Variants in DSCAML1 observed in about 807,000 individuals in gnomAD.
The protein encoded by DSCAML1 is DS cell adhesion molecule like 1, also known as cell adhesion molecule DSCAML1.
DSCAML1 carries 38 observed loss-of-function variants against 200.5 expected under a neutral mutation model. The ratio of observed to expected loss-of-function variants is 0.19; its 90% confidence interval spans 0.15 to 0.25. The LOEUF (loss-of-function observed/expected upper bound fraction) is 0.25. DSCAML1 is among the 10% of genes least tolerant of loss of function. The pLI is 1.00. For synonymous variants in DSCAML1, 1,215 were observed against 1,165.0 expected (o/e 1.04, Z -0.87); for missense variants, 2,223 against 2,858.8 (o/e 0.78, Z 5.07).
intron 21 of DSCAML1, among the ~76,000 whole-genome samples, chr11:117,440,966 G>C (rs949129285): frequency 6.9e-6 from 1 of 145,780 alleles, no homozygotes; most frequent in Non-Finnish European, 1.5e-5. Flanking sequence ...GTCCTCAGCC[G>C]ATTTCAGATG....
chr11:117,644,133 C>T lies in DSCAML1; in HGVS notation c.512-111611G>A, dbSNP rs57674631. 8.5e-3 allele frequency among the ~76,000 whole-genome samples: 1,299 copies of T among 152,354 alleles called. 28 individuals carry two copies. The East Asian group carries it at 0.092, about 11-fold the overall frequency. On this transcript the variant is annotated intron_variant, in intron 3 of 32. Transcript: ENST00000651296. ...ATGAAGTCCTGGGCTCAGGGCCGCC[C>T]GGTCGGCCTGCCCCTTGACTCGGGC...
At chr11:117,447,295 C>T (rs1023120288) in intron 20 of DSCAML1, among the ~76,000 whole-genome samples, 2 of 151,924 alleles carry the variant, frequency 1.3e-5, no homozygotes, top group African/African-American at 4.8e-5. Flanking sequence ...CACATACACA[C>T]GAAAAAATGT....
At chr11:117,430,034 T>TGGCC (rs1410279721) in intron 32 of DSCAML1, among the ~76,000 whole-genome samples, 53 of 152,342 alleles carry the variant, frequency 3.5e-4, no homozygotes, top group African/African-American at 1.2e-3. Flanking sequence ...TCAATTAGCA[T>TGGCC]GGCCAGTGCT....
intron 3 of DSCAML1, among the ~76,000 whole-genome samples, chr11:117,739,426 A>C (rs1469259291): frequency 2.0e-5 from 3 of 152,234 alleles, no homozygotes; most frequent in Non-Finnish European, 4.4e-5. Flanking sequence ...TGTTGTGCAC[A>C]CAAGTTCGAG....
chr11:117,696,589 G>T (rs1474268192), intron 3 of DSCAML1, among the ~76,000 whole-genome samples: 1 of 152,108 alleles, frequency 6.6e-6, no homozygotes, highest in Admixed American at 6.5e-5. Flanking sequence ...CCCCAGGGTG[G>T]GTGTAGATCC....
At position 117,505,828 on chromosome 11, in the gene DSCAML1, G is replaced by T. The variant is rs1007931942; in HGVS notation, c.1784-96C>A. 2 of 1,444,364 alleles carry T rather than the reference G, an allele frequency of 1.4e-6. No homozygotes were observed. Among genetic ancestry groups the T allele is most frequent in the African/African-American group, 1.4e-5 (1 of 70,912 alleles). 89.5% of individuals were successfully genotyped at this position (1,444,364 alleles called of 1,614,324 possible). ...TGCCTTACCTGGGGCTCTGGGTTGG[G>T]CCTTGAACAAAGATCCCCTGGGGCA... On this transcript the variant is annotated intron_variant, in intron 8 of 32. Transcript: ENST00000651296. The surrounding 1 kb of genome is among the most constrained non-coding windows in gnomAD (Gnocchi z 6.7).
Position 117,806,771 on chromosome 11 carries a change from G to C in DSCAML1, c.-250+10619C>G, listed in dbSNP as rs544315520. On this transcript the variant is annotated intron_variant, in intron 1 of 2. Coordinates refer to the DSCAML1 transcript ENST00000525836. Reference sequence around the variant, plus strand: ...TGGTGGTGGTGGTAGTGTTACTGCTGTTACATTTTTTAAAGTTTGAACATG... The same window carrying C: ...TGGTGGTGGTGGTAGTGTTACTGCTCTTACATTTTTTAAAGTTTGAACATG... Among the ~76,000 whole-genome samples the C allele has an allele frequency of 6.6e-5, 10 of 152,268 alleles. No individual in the cohort carries two copies. In the East Asian group the frequency reaches 1.9e-3, roughly 29 times the overall value.
chr11:117,811,238 C>G lies in DSCAML1; in HGVS notation c.-250+6152G>C, dbSNP rs546787051. 5.5e-4 allele frequency among the ~76,000 whole-genome samples: 83 copies of G among 152,240 alleles called. 1 individual carries two copies. The South Asian group carries it at 0.016, about 30-fold the overall frequency. ...ACCCCAGCCGAGTTCATGGCTCGTT[C>G]GGCAGCAACCCTGAGAAGCTTTACA... On this transcript the variant is annotated intron_variant, in intron 1 of 2. Coordinates refer to the DSCAML1 transcript ENST00000525836.
intron 3 of DSCAML1, among the ~76,000 whole-genome samples, chr11:117,635,840 C>A (rs1262416236): frequency 6.6e-6 from 1 of 152,038 alleles, no homozygotes; most frequent in Non-Finnish European, 1.5e-5. Flanking sequence ...CTGCTTTAGT[C>A]AAAATCAGGT....
intron 3 of DSCAML1, among the ~76,000 whole-genome samples, chr11:117,601,311 C>T (rs754017660): frequency 2.0e-4 from 31 of 152,286 alleles, no homozygotes; most frequent in African/African-American, 1.7e-4. Flanking sequence ...GAATCCTTTG[C>T]GGGCCTATCA....
At chr11:117,612,880 G>T (rs1176377942) in intron 3 of DSCAML1, among the ~76,000 whole-genome samples, 1 of 152,180 alleles carries the variant, frequency 6.6e-6, no homozygotes, top group African/African-American at 2.4e-5. Context: ...GTTGAGGGAG[G>T]CAGAGAGCAG....
intron 3 of DSCAML1, among the ~76,000 whole-genome samples, chr11:117,604,179 G>A (rs1466442457): frequency 6.6e-6 from 1 of 152,068 alleles, no homozygotes; most frequent in Non-Finnish European, 1.5e-5. Flanking sequence ...ACACTTGCAC[G>A]GCATCTGACC....
chr11:117,466,834 T>G (rs1177614414), intron 16 of DSCAML1, among the ~76,000 whole-genome samples: 1 of 152,182 alleles, frequency 6.6e-6, no homozygotes, highest in East Asian at 1.9e-4. Context: ...CGCTTAAACA[T>G]GGTTCAAATG....
intron 16 of DSCAML1, among the ~76,000 whole-genome samples, chr11:117,466,362 T>C (rs1375696957): frequency 6.6e-6 from 1 of 152,188 alleles, no homozygotes; most frequent in East Asian, 1.9e-4. Context: ...CAAAAGCTAT[T>C]TGTCCGATTC....
chr11:117,662,133 C>T (rs1257591709), intron 3 of DSCAML1, among the ~76,000 whole-genome samples: 1 of 152,168 alleles, frequency 6.6e-6, no homozygotes, highest in Non-Finnish European at 1.5e-5. Flanking sequence ...TGGTCTGTAT[C>T]CAGAAAAAGG....
At position 117,625,709 on chromosome 11, in the gene DSCAML1, C is replaced by T. The variant is rs571555366; in HGVS notation, c.512-93187G>A. Reference sequence around the variant, plus strand: ...GATCTCTGTATCAGACTTTGCATTGCCCCAAAATGCTGTTGGAAAATGTGT... The same window carrying T: ...GATCTCTGTATCAGACTTTGCATTGTCCCAAAATGCTGTTGGAAAATGTGT... On this transcript the variant is annotated intron_variant, in intron 3 of 32. Transcript: ENST00000651296. Among the ~76,000 whole-genome samples the T allele has an allele frequency of 2.0e-5, 3 of 152,282 alleles. No individual in the cohort carries two copies. The East Asian group carries it at 5.8e-4, about 29-fold the overall frequency.
At chr11:117,803,051 CTGG>C (rs988317395) in intron 1 of DSCAML1, among the ~76,000 whole-genome samples, 3 of 146,562 alleles carry the variant, frequency 2.0e-5, no homozygotes, top group Non-Finnish European at 4.5e-5. Flanking sequence ...CTCGGTGGGT[CTGG>C]TGAACATTTT....
At chr11:117,803,831 T>C (rs528134229) in intron 1 of DSCAML1, among the ~76,000 whole-genome samples, 3 of 152,356 alleles carry the variant, frequency 2.0e-5, no homozygotes, top group South Asian at 2.1e-4. Flanking sequence ...CCCAGGCCCA[T>C]GGTGGTGACC....
upstream of DSCAML1, chr11:117,802,060 A>C (rs1013648048): frequency 5.9e-5 from 9 of 152,244 alleles, no homozygotes; most frequent in Admixed American, 6.5e-5. Context: ...AAAAAAAAGA[A>C]AGTGCAATGA....
Sources: allele counts gnomAD v4.1 joint callset (sites outside exome capture counted in the v4.1 genomes callset), GRCh38; gene constraint gnomAD v4.1.1; non-coding constraint Gnocchi (gnomAD v3.1); transcripts MANE v1.5; gene names NCBI Gene and HGNC (gene_info 2026-07-23, HGNC 2026-07-21).